PRKN: variants seen among roughly 807,000 people sequenced by gnomAD.
The protein encoded by PRKN is E3 ubiquitin-protein ligase parkin.
PRKN carries 56 observed loss-of-function variants against 59.5 expected under a neutral mutation model. The observed-to-expected ratio is 0.94, with a 90% CI of 0.76 to 1.18. The LOEUF is 1.18. Among genes scored for constraint, PRKN ranks in the 50% most tolerant of loss-of-function variants. The pLI is 0.00. For missense variants in PRKN, 657 were observed against 596.4 expected, an observed-to-expected ratio of 1.10 and a Z score of -1.06; for synonymous variants, 250 against 222.1, an observed-to-expected ratio of 1.13 and a Z score of -1.12.
At chr6:161,636,669 T>C (rs1170058106) in intron 7 of PRKN, among the ~76,000 whole-genome samples, 1 of 152,106 alleles carries the variant, frequency 6.6e-6, no homozygotes, top group Non-Finnish European at 1.5e-5. Context: ...TGAGGCAGGA[T>C]GATCGCTTGA....
intron 4 of PRKN, among the ~76,000 whole-genome samples, chr6:162,086,625 A>G (rs1779257688): frequency 6.6e-6 from 1 of 152,236 alleles, no homozygotes; most frequent in African/African-American, 2.4e-5. Flanking sequence ...GACAAAGATT[A>G]GCATCTCAAG....
chr6:162,191,804 C>T (rs1784286842), intron 4 of PRKN, among the ~76,000 whole-genome samples: 1 of 152,170 alleles, frequency 6.6e-6, no homozygotes, highest in African/African-American at 2.4e-5. Context: ...TCCTGCCTTG[C>T]ACACAGAATT....
intron 9 of PRKN, among the ~76,000 whole-genome samples, chr6:161,493,035 C>T (rs542711366): frequency 9.9e-5 from 15 of 152,066 alleles, no homozygotes; most frequent in South Asian, 4.2e-4. Context: ...AAAACATAAC[C>T]GTTAAATTCT....
At chr6:162,714,380 G>A (rs1409638915) in intron 1 of PRKN, among the ~76,000 whole-genome samples, 1 of 152,132 alleles carries the variant, frequency 6.6e-6, no homozygotes, top group African/African-American at 2.4e-5. Context: ...CTGGTGACAG[G>A]GAGGGAGGGG....
At chr6:161,716,999 T>C (rs1583047235) in intron 7 of PRKN, among the ~76,000 whole-genome samples, 2 of 152,278 alleles carry the variant, frequency 1.3e-5, no homozygotes, top group East Asian at 1.9e-4. Context: ...TGTGTTCTAA[T>C]TGCTGTGTGC....
At chr6:162,556,471 G>A (rs1053800933) in intron 1 of PRKN, among the ~76,000 whole-genome samples, 5 of 150,530 alleles carry the variant, frequency 3.3e-5, no homozygotes, top group African/African-American at 4.9e-5. Context: ...AGCTAATGCC[G>A]GGCGCAGTGG....
chr6:161,509,882 A>AAC (rs1778321371), intron 9 of PRKN, among the ~76,000 whole-genome samples: 1 of 118,418 alleles, frequency 8.4e-6, no homozygotes, highest in African/African-American at 3.7e-5. Context: ...TCCATCTCAA[A>AAC]AAAAAAAAAA....
intron 7 of PRKN, among the ~76,000 whole-genome samples, chr6:161,600,357 C>T (rs916393721): frequency 2.0e-5 from 3 of 152,168 alleles, no homozygotes; most frequent in African/African-American, 7.2e-5. Context: ...CTGCATCCTC[C>T]TGTTCAAATC....
At chr6:162,147,460 A>T (rs1782081971) in intron 4 of PRKN, among the ~76,000 whole-genome samples, 1 of 152,070 alleles carries the variant, frequency 6.6e-6, no homozygotes, top group African/African-American at 2.4e-5. Flanking sequence ...GGGAACAAAC[A>T]CAGGACATTC....
intron 5 of PRKN, among the ~76,000 whole-genome samples, chr6:162,041,444 C>A (rs895529638): frequency 2.6e-5 from 4 of 152,188 alleles, no homozygotes; most frequent in Admixed American, 1.3e-4. Context: ...TAAAGACATT[C>A]CATTTCTTCA....
chr6:162,079,526 C>T (rs557989980), intron 4 of PRKN, among the ~76,000 whole-genome samples: 10 of 152,034 alleles, frequency 6.6e-5, no homozygotes, highest in Non-Finnish European at 1.3e-4. Context: ...ACATACCTGC[C>T]GGAGGAATAT....
In PRKN at chr6:161,593,632, G is replaced by T. The variant is rs1379420035; in HGVS notation, c.872-24216C>A. On this transcript the variant is annotated intron_variant, in intron 7 of 11. Transcript: ENST00000366898. This position sits in a 1 kb window ranked among gnomAD's most constrained non-coding sequence, Gnocchi z 4.8. Reference sequence around the variant, plus strand: ...AGGAAAAGGAGGCAGGGGTTGCGCTGCCACTTTTATCCTGAGGAACCGGCT... The same window carrying T: ...AGGAAAAGGAGGCAGGGGTTGCGCTTCCACTTTTATCCTGAGGAACCGGCT... Among the ~76,000 whole-genome samples the T allele has an allele frequency of 6.6e-6, 1 of 152,142 alleles. No individual in the cohort carries two copies. Among genetic ancestry groups the T allele is most frequent in the Non-Finnish European group, 1.5e-5 (1 of 68,024 alleles).
At chr6:162,077,979 C>A (rs1161055660) in intron 4 of PRKN, among the ~76,000 whole-genome samples, 1 of 134,184 alleles carries the variant, frequency 7.5e-6, no homozygotes, top group Non-Finnish European at 1.5e-5. Context: ...GCAGCCTGGG[C>A]AACAGAGAGA....
chr6:162,646,970 A>G (rs1778208921), intron 1 of PRKN, among the ~76,000 whole-genome samples: 1 of 152,210 alleles, frequency 6.6e-6, no homozygotes, highest in African/African-American at 2.4e-5. Flanking sequence ...TATAAGAAAG[A>G]AAACAAAAAT....
chr6:162,446,624 T>TA (rs1413616229), intron 1 of PRKN, among the ~76,000 whole-genome samples: 2 of 152,160 alleles, frequency 1.3e-5, no homozygotes, highest in African/African-American at 4.8e-5. Flanking sequence ...AATATAAATT[T>TA]AAAATGGAAA....
intron 2 of PRKN, among the ~76,000 whole-genome samples, chr6:162,372,467 A>T (rs1037697159): frequency 5.3e-5 from 8 of 152,282 alleles, no homozygotes; most frequent in Non-Finnish European, 8.8e-5. Context: ...TAGCATCTCC[A>T]TTTTATCAGA....
intron 4 of PRKN, among the ~76,000 whole-genome samples, chr6:162,075,153 G>T (rs901652664): frequency 6.6e-6 from 1 of 152,134 alleles, no homozygotes; most frequent in African/African-American, 2.4e-5. Flanking sequence ...AGCAAAATAT[G>T]TTTCTAGCTG....
intron 1 of PRKN, among the ~76,000 whole-genome samples, chr6:162,541,323 TA>T (rs1249196025): frequency 1.3e-5 from 2 of 152,114 alleles, no homozygotes; most frequent in African/African-American, 4.8e-5. Flanking sequence ...CAGGAAGGCC[TA>T]AAAGTTGAGG....
At chr6:161,674,908 C>A (rs1465537032) in intron 7 of PRKN, among the ~76,000 whole-genome samples, 2 of 152,190 alleles carry the variant, frequency 1.3e-5, no homozygotes, top group African/African-American at 4.8e-5. Flanking sequence ...GGAGGCAGCG[C>A]CAAGGAGCCC....
Sources: gnomAD v4.1 joint callset for allele counts (sites outside exome capture counted in the v4.1 genomes callset) on GRCh38, gnomAD v4.1.1 for gene constraint, Gnocchi (gnomAD v3.1) non-coding constraint, MANE v1.5 for transcripts, NCBI Gene and HGNC (gene_info 2026-07-23, HGNC 2026-07-21) for gene names.